Variants in DPP10 observed in about 807,000 individuals in gnomAD.
DPP10 encodes the protein dipeptidyl peptidase like 10.
DPP10 carries 33 observed loss-of-function variants against 120.9 expected under a neutral mutation model. The observed-to-expected ratio is 0.27, with a 90% CI of 0.21 to 0.37. The LOEUF (loss-of-function observed/expected upper bound fraction) is 0.37, where lower values mean the gene tolerates loss of function less well. Ranked by LOEUF, DPP10 falls within the 10% of genes least tolerant of loss-of-function variation. The pLI is 1.00. For missense variants in DPP10, 816 were observed against 942.8 expected (o/e 0.87, Z 1.76); for synonymous variants, 337 against 326.1 (o/e 1.03, Z -0.36).
intron 8 of DPP10, among the ~76,000 whole-genome samples, chr2:115,732,354 T>C (rs897492865): frequency 2.0e-5 from 3 of 152,188 alleles, no homozygotes; most frequent in African/African-American, 7.2e-5. Context: ...CCCCAACTAG[T>C]CACTAAATAG....
intron 19 of DPP10, among the ~76,000 whole-genome samples, chr2:115,813,968 T>G (rs1347180557): frequency 1.3e-5 from 2 of 152,236 alleles, no homozygotes; most frequent in African/African-American, 4.8e-5. Flanking sequence ...GAACTATATC[T>G]AGGTATGGAC....
At chr2:115,605,365 T>G (rs1251735144) in intron 5 of DPP10, among the ~76,000 whole-genome samples, 1 of 152,110 alleles carries the variant, frequency 6.6e-6, no homozygotes, top group Non-Finnish European at 1.5e-5. Flanking sequence ...TAAACTCTTA[T>G]CACCCCAGGC....
intron 1 of DPP10, among the ~76,000 whole-genome samples, chr2:114,550,058 C>G (rs1166575766): frequency 1.3e-5 from 2 of 152,208 alleles, no homozygotes; most frequent in Non-Finnish European, 2.9e-5. Context: ...GTCTTAGTAT[C>G]TTTTGAGCCC....
chr2:115,311,651 C>T (rs1470791443), intron 2 of DPP10, among the ~76,000 whole-genome samples: 1 of 152,140 alleles, frequency 6.6e-6, no homozygotes, highest in Non-Finnish European at 1.5e-5. Flanking sequence ...CCTCCAATCC[C>T]GTTACACAAA....
At position 115,347,200 on chromosome 2, in the gene DPP10, G is replaced by A. The variant is rs2063752206; in HGVS notation, c.271+3288G>A. 3.3e-5 allele frequency among the ~76,000 whole-genome samples: 5 copies of A among 152,278 alleles called. No homozygotes were observed. In the South Asian group the frequency reaches 1.0e-3, roughly 32 times the overall value. Reference sequence around the variant, plus strand: ...GCTTAGGTTAAATAAAGTACGGACAGTGTATTGAAGTGTGACTGGACAAAA... The same window carrying A: ...GCTTAGGTTAAATAAAGTACGGACAATGTATTGAAGTGTGACTGGACAAAA... On this transcript the variant is annotated intron_variant, in intron 3 of 25. Coordinates refer to ENST00000410059, the MANE Select transcript of DPP10 (RefSeq NM_020868.6).
At chr2:115,434,155 T>C (rs2071262398) in intron 3 of DPP10, among the ~76,000 whole-genome samples, 1 of 151,818 alleles carries the variant, frequency 6.6e-6, no homozygotes, top group Non-Finnish European at 1.5e-5. Flanking sequence ...GCAAAGCAAA[T>C]CAACAAAAAC....
At chr2:115,468,517 A>T in intron 3 of DPP10, 1 of 435,510 alleles carries the variant, frequency 2.3e-6, no homozygotes, top group Non-Finnish European at 4.5e-6. Context: ...CCTCTGTGCT[A>T]TGTGGACATT....
chr2:114,574,149 A>C (rs551096676), intron 1 of DPP10, among the ~76,000 whole-genome samples: 41 of 152,146 alleles, frequency 2.7e-4, no homozygotes, highest in Non-Finnish European at 4.9e-4. Context: ...TGTCAGTGAG[A>C]AGGGGCAGAC....
intron 7 of DPP10, among the ~76,000 whole-genome samples, chr2:115,726,939 T>C (rs2092779380): frequency 9.3e-6 from 1 of 107,888 alleles, no homozygotes; most frequent in African/African-American, 4.7e-5. Flanking sequence ...GCAATTTGGC[T>C]TGCCCTGGAC....
intron 1 of DPP10, among the ~76,000 whole-genome samples, chr2:114,898,601 T>G (rs1466547228): frequency 6.6e-6 from 1 of 152,144 alleles, no homozygotes; most frequent in African/African-American, 2.4e-5. Context: ...TAAATCTAAA[T>G]GTAGCAGTAA....
intron 2 of DPP10, chr2:115,342,141 A>T (rs780273089): frequency 6.6e-5 from 30 of 454,358 alleles, no homozygotes; most frequent in Middle Eastern, 6.5e-4. Flanking sequence ...CCTTTCTTCA[A>T]ACTCATTAAG....
intron 5 of DPP10, among the ~76,000 whole-genome samples, chr2:115,680,272 A>G (rs2149470871): frequency 6.6e-6 from 1 of 152,114 alleles, no homozygotes; most frequent in South Asian, 2.1e-4. Context: ...TAATAAGAAT[A>G]AGATGTTTTA....
chr2:115,080,790 G>A (rs1182667360), intron 1 of DPP10, among the ~76,000 whole-genome samples: 1 of 152,074 alleles, frequency 6.6e-6, no homozygotes, highest in Non-Finnish European at 1.5e-5. Context: ...TCTGTCTACA[G>A]TTCATCTCTT....
chr2:115,164,049 G>C (rs1429203762), intron 1 of DPP10, among the ~76,000 whole-genome samples: 3 of 152,068 alleles, frequency 2.0e-5, no homozygotes, highest in Non-Finnish European at 4.4e-5. Flanking sequence ...CAGAACTCTT[G>C]TTTTAATAGA....
chr2:115,687,485 G>GATA (rs1553480028), intron 5 of DPP10, among the ~76,000 whole-genome samples: 50 of 147,018 alleles, frequency 3.4e-4, no homozygotes, highest in African/African-American at 1.2e-3. Flanking sequence ...ATGGATGGAT[G>GATA]GATAGATAGA....
chr2:115,626,089 C>A (rs1390164649), intron 5 of DPP10, among the ~76,000 whole-genome samples: 1 of 150,678 alleles, frequency 6.6e-6, no homozygotes, highest in Non-Finnish European at 1.5e-5. Flanking sequence ...AAAATAGTTA[C>A]CTCTGTAGAG....
chr2:114,472,658 T>TTG (rs1553446676), intron 1 of DPP10, among the ~76,000 whole-genome samples: 2 of 152,096 alleles, frequency 1.3e-5, no homozygotes, highest in Non-Finnish European at 2.9e-5. Flanking sequence ...GGTAAAGAGG[T>TTG]TGTCAGACTT....
At chr2:114,690,605 T>C (rs922577234) in intron 1 of DPP10, among the ~76,000 whole-genome samples, 2 of 152,162 alleles carry the variant, frequency 1.3e-5, no homozygotes, top group Non-Finnish European at 1.5e-5. Flanking sequence ...AAATATTTTT[T>C]CTAATTCTGT....
At chr2:114,815,425 A>G (rs553985643) in intron 1 of DPP10, among the ~76,000 whole-genome samples, 1 of 152,292 alleles carries the variant, frequency 6.6e-6, no homozygotes, top group East Asian at 1.9e-4. Flanking sequence ...GGGGTCATCA[A>G]ACTGAAACTT....
Sources: gnomAD v4.1 joint callset for allele counts (sites outside exome capture counted in the v4.1 genomes callset) on GRCh38, gnomAD v4.1.1 for gene constraint, MANE v1.5 for transcripts, NCBI Gene and HGNC (gene_info 2026-07-23, HGNC 2026-07-21) for gene names.